Variants in TSHZ2 observed in about 807,000 individuals in gnomAD.
The protein encoded by TSHZ2 is teashirt homolog 2.
A neutral mutation model predicts 74.4 loss-of-function variants in TSHZ2; 21 were observed. The observed-to-expected ratio is 0.28, with a 90% CI of 0.20 to 0.41. The LOEUF (loss-of-function observed/expected upper bound fraction) is 0.41, where lower values mean the gene tolerates loss of function less well. Ranked by LOEUF, TSHZ2 falls within the 10% of genes least tolerant of loss-of-function variation. The pLI is 1.00. For missense variants in TSHZ2, 1,244 were observed against 1,293.5 expected (o/e 0.96, Z 0.59); for synonymous variants, 540 against 515.3 (o/e 1.05, Z -0.65).
intron 1 of TSHZ2, among the ~76,000 whole-genome samples, chr20:53,054,052 C>G (rs1984565468): frequency 6.6e-6 from 1 of 152,136 alleles, no homozygotes; most frequent in African/African-American, 2.4e-5. Flanking sequence ...TTTCCTTGCT[C>G]TGGAATTGAA....
intron 1 of TSHZ2, among the ~76,000 whole-genome samples, chr20:53,025,632 C>G (rs548659887): frequency 6.6e-5 from 10 of 152,256 alleles, no homozygotes; most frequent in African/African-American, 2.4e-4. Flanking sequence ...AGTCAGGACA[C>G]CAGTGTCAAC....
At chr20:53,144,625 A>G (rs958646926) in intron 1 of TSHZ2, among the ~76,000 whole-genome samples, 2 of 152,228 alleles carry the variant, frequency 1.3e-5, no homozygotes, top group African/African-American at 4.8e-5. Flanking sequence ...TATTCCACTG[A>G]GAAAACTGGG....
chr20:53,292,852 AG>A (rs1291988519), intron 2 of TSHZ2, among the ~76,000 whole-genome samples: 1 of 152,190 alleles, frequency 6.6e-6, no homozygotes, highest in African/African-American at 2.4e-5. Flanking sequence ...AGAGAGTTGA[AG>A]TAACTTGACT....
intron 2 of TSHZ2, among the ~76,000 whole-genome samples, chr20:53,366,551 G>T (rs115975369): frequency 6.6e-6 from 1 of 152,120 alleles, no homozygotes; most frequent in Non-Finnish European, 1.5e-5. Context: ...GTGGAAAGCG[G>T]GTCAACCTCT....
chr20:53,066,772 T>C (rs1369422512), intron 1 of TSHZ2, among the ~76,000 whole-genome samples: 2 of 152,130 alleles, frequency 1.3e-5, no homozygotes, highest in Non-Finnish European at 2.9e-5. Context: ...TCCCAAAGTG[T>C]TGGGATTACA....
chr20:53,065,316 A>G (rs1984947607), intron 1 of TSHZ2, among the ~76,000 whole-genome samples: 1 of 152,158 alleles, frequency 6.6e-6, no homozygotes, highest in Non-Finnish European at 1.5e-5. Context: ...GACTTTGGAC[A>G]TGTTACCAGA....
intron 1 of TSHZ2, among the ~76,000 whole-genome samples, chr20:53,032,996 G>T (rs987194370): frequency 6.6e-6 from 1 of 152,156 alleles, no homozygotes; most frequent in Non-Finnish European, 1.5e-5. Flanking sequence ...GACATAAACA[G>T]TGCCTGATAT....
intron 1 of TSHZ2, among the ~76,000 whole-genome samples, chr20:53,175,159 T>TTC (rs1221311949): frequency 1.5e-5 from 2 of 134,102 alleles, no homozygotes; most frequent in African/African-American, 5.9e-5. Context: ...TTTTTTTTTT[T>TTC]CAACGGAGTT....
At chr20:53,186,861 T>C (rs1055979084) in intron 1 of TSHZ2, among the ~76,000 whole-genome samples, 4 of 152,042 alleles carry the variant, frequency 2.6e-5, no homozygotes, top group African/African-American at 9.7e-5. Context: ...AAAGCTTGTC[T>C]CCTCTTGGGG....
intron 1 of TSHZ2, among the ~76,000 whole-genome samples, chr20:53,206,237 T>A (rs528614125): frequency 1.3e-5 from 2 of 151,994 alleles, no homozygotes; most frequent in African/African-American, 4.8e-5. Context: ...AAATAAAAAA[T>A]AATAATAAAT....
intron 1 of TSHZ2, among the ~76,000 whole-genome samples, chr20:53,038,908 G>GTTTTTTTTTT (rs1555817877): frequency 6.8e-6 from 1 of 148,004 alleles, no homozygotes; most frequent in African/African-American, 2.6e-5. Context: ...TTGTTTGTTT[G>GTTTTTTTTTT]TTTTTGAGAT....
At chr20:53,401,779 T>A (rs572047387) in intron 2 of TSHZ2, among the ~76,000 whole-genome samples, 1 of 143,412 alleles carries the variant, frequency 7.0e-6, no homozygotes, top group Admixed American at 6.9e-5. Flanking sequence ...ATTTTCTTTT[T>A]TTTTTTTTTT....
chr20:53,483,613 G>C (rs1986217544), intron 2 of TSHZ2, among the ~76,000 whole-genome samples: 1 of 151,980 alleles, frequency 6.6e-6, no homozygotes, highest in Non-Finnish European at 1.5e-5. Flanking sequence ...ACAACACTCA[G>C]GTATATTTGT....
chr20:53,089,320 CTTTT>C (rs5841928), intron 1 of TSHZ2, among the ~76,000 whole-genome samples: 12 of 100,002 alleles, frequency 1.2e-4, no homozygotes, highest in East Asian at 9.1e-4. Flanking sequence ...ATGGGATTTT[CTTTT>C]TTTTTTTTTT....
chr20:53,325,864 C>T (rs376670550), intron 2 of TSHZ2, among the ~76,000 whole-genome samples: 3 of 152,166 alleles, frequency 2.0e-5, no homozygotes, highest in African/African-American at 7.2e-5. Context: ...TCACTGCAAA[C>T]TCCGCCTCCC....
At chr20:53,104,189 C>A (rs1986296713) in intron 1 of TSHZ2, among the ~76,000 whole-genome samples, 2 of 144,402 alleles carry the variant, frequency 1.4e-5, no homozygotes, top group South Asian at 4.3e-4. Context: ...CTGCATGCCT[C>A]AAGTCACCTG....
chr20:53,380,686 GTGATCACTTTGA>G (rs1381122712), intron 2 of TSHZ2, among the ~76,000 whole-genome samples: 2 of 152,168 alleles, frequency 1.3e-5, no homozygotes, highest in East Asian at 3.8e-4. Context: ...GATTATCCAA[GTGATCACTTTGA>G]TGATGAGATT....
chr20:53,375,826 A>G (rs960658999), intron 2 of TSHZ2, among the ~76,000 whole-genome samples: 1 of 152,218 alleles, frequency 6.6e-6, no homozygotes, highest in Admixed American at 6.5e-5. Context: ...GCTCCTCATT[A>G]CCAAAAGGAT....
intron 1 of TSHZ2, among the ~76,000 whole-genome samples, chr20:53,130,812 G>T (rs1019279631): frequency 2.6e-5 from 4 of 152,078 alleles, no homozygotes; most frequent in Non-Finnish European, 5.9e-5. Context: ...AGTACTATTT[G>T]GCAATTAATA....
Sources: gnomAD v4.1 joint callset for allele counts (sites outside exome capture counted in the v4.1 genomes callset) on GRCh38, gnomAD v4.1.1 for gene constraint, MANE v1.5 for transcripts, NCBI Gene and HGNC (gene_info 2026-07-23, HGNC 2026-07-21) for gene names.